Variants in DNAAF11 observed in about 807,000 individuals in gnomAD.
DNAAF11 encodes the protein leucine rich repeat containing 6.
DNAAF11 carries 45 observed loss-of-function variants against 60.8 expected under a neutral mutation model. The observed-to-expected ratio is 0.74, with a 90% confidence interval of 0.58 to 0.95. The LOEUF is 0.95. DNAAF11 is among the 40% of genes least tolerant of loss of function. The probability of loss-of-function intolerance (pLI) is 0.00; values close to 1 mark genes in which losing one functional copy is unlikely to be tolerated. For missense variants in DNAAF11, 546 were observed against 546.2 expected, an observed-to-expected ratio of 1.00 and a Z score of 0.00; for synonymous variants, 191 against 183.5, an observed-to-expected ratio of 1.04 and a Z score of -0.33.
chr8:132,663,740 G>T (rs1283540880), intron 1 of DNAAF11, among the ~76,000 whole-genome samples: 1 of 152,176 alleles, frequency 6.6e-6, no homozygotes, highest in Non-Finnish European at 1.5e-5. Flanking sequence ...GGAACAATGG[G>T]ATTCTCTGTT....
intron 3 of DNAAF11, among the ~76,000 whole-genome samples, chr8:132,646,926 A>T (rs553361655): frequency 6.6e-6 from 1 of 152,296 alleles, no homozygotes; most frequent in South Asian, 2.1e-4. Flanking sequence ...TCAACATTAG[A>T]CAGATCAATG....
intron 7 of DNAAF11, among the ~76,000 whole-genome samples, chr8:132,618,169 CAAACCTGAGAAAAACAAGA>C (rs1819374121): frequency 6.6e-6 from 1 of 151,452 alleles, no homozygotes; most frequent in African/African-American, 2.4e-5. Context: ...TGATCTTTGA[CAAACCTGAGAAAAACAAGA>C]AATGGGGAAA....
chr8:132,658,547 TC>T (rs1563699390), intron 2 of DNAAF11, among the ~76,000 whole-genome samples: 1 of 152,152 alleles, frequency 6.6e-6, no homozygotes, highest in Non-Finnish European at 1.5e-5. Context: ...GGTCTCGATC[TC>T]CTGACCTCGT....
At chr8:132,663,454 A>G (rs956143624) in intron 1 of DNAAF11, among the ~76,000 whole-genome samples, 1 of 152,262 alleles carries the variant, frequency 6.6e-6, no homozygotes, top group African/African-American at 2.4e-5. Flanking sequence ...TAATTTACCT[A>G]TAAGAATTCT....
rs757102705 is a variant in DNAAF11 at position 132,638,066 on chromosome 8, T to C, written c.298A>G (p.Ile100Val). ...TTTTTAATGCTGCTCAGCTCTCCAATGAAATTCACAGTCAGGTCAAGTTTT... is the reference window on the plus strand; with the variant it reads ...TTTTTAATGCTGCTCAGCTCTCCAACGAAATTCACAGTCAGGTCAAGTTTT... ...LAKLDLTVNF[I>V]GELSSIKNLQ... The change falls in exon 4 of 12, where the codon ATT (isoleucine) becomes GTT (valine). Residue 100 changes from isoleucine (I) to valine (V), a missense_variant. Transcript: ENST00000620350. The C allele has an allele frequency of 2.5e-6, 4 of 1,614,028 alleles. No individual in the cohort carries two copies. In the East Asian group the frequency reaches 8.9e-5, roughly 36 times the overall value.
chr8:132,625,781 A>T (rs1339439159), intron 5 of DNAAF11, among the ~76,000 whole-genome samples: 2 of 152,184 alleles, frequency 1.3e-5, no homozygotes, highest in African/African-American at 4.8e-5. Flanking sequence ...TAAAAAGTAC[A>T]GATTCCTGGG....
chr8:132,630,885 T>C (rs1820730867), intron 5 of DNAAF11, among the ~76,000 whole-genome samples: 1 of 152,196 alleles, frequency 6.6e-6, no homozygotes, highest in African/African-American at 2.4e-5. Flanking sequence ...TATCATATTA[T>C]CCAGTATTGG....
intron 10 of DNAAF11, among the ~76,000 whole-genome samples, chr8:132,592,325 C>T (rs941042279): frequency 2.0e-5 from 3 of 152,030 alleles, no homozygotes; most frequent in South Asian, 2.1e-4. Context: ...GGAAATTTCC[C>T]GAGGGAGTGT....
chr8:132,580,992 A>G (rs1375950828), intron 11 of DNAAF11, among the ~76,000 whole-genome samples: 1 of 152,212 alleles, frequency 6.6e-6, no homozygotes, highest in Non-Finnish European at 1.5e-5. Context: ...CCAGAGGCAA[A>G]CCCATACAGA....
Position 132,656,824 on chromosome 8 carries a change from T to G in DNAAF11, c.256+6A>C. The G allele has an allele frequency of 8.3e-7, 1 of 1,207,558 alleles. No individual in the cohort carries two copies. Among genetic ancestry groups the G allele is most frequent in the African/African-American group, 1.5e-5 (1 of 65,534 alleles). The allele number at this position is 1,207,558 out of a possible 1,614,324, so 74.8% of individuals were successfully genotyped here. ...CATAATAGCATAATAGAAGAAACAG[T>G]CTTACCTTCCAAGTTTTCTATTTTT... On this transcript the variant is annotated splice_donor_region_variant and intron_variant, in intron 3 of 11. Transcript: ENST00000620350.
chr8:132,607,786 T>C (rs926309738), intron 10 of DNAAF11, among the ~76,000 whole-genome samples: 1 of 152,172 alleles, frequency 6.6e-6, no homozygotes, highest in Non-Finnish European at 1.5e-5. Flanking sequence ...TCACTCTCTT[T>C]AGGGCTAAAT....
At chr8:132,601,517 C>T in intron 10 of DNAAF11, among the ~76,000 whole-genome samples, 1 of 152,134 alleles carries the variant, frequency 6.6e-6, no homozygotes, top group East Asian at 1.9e-4. Context: ...AGACTTGGAA[C>T]CAACCCAAAT....
intron 11 of DNAAF11, among the ~76,000 whole-genome samples, chr8:132,578,109 A>G (rs1203750388): frequency 6.6e-6 from 1 of 152,144 alleles, no homozygotes; most frequent in African/African-American, 2.4e-5. Context: ...TTTTAAGTAT[A>G]TATCTAAGTT....
chr8:132,600,076 C>G (rs1417410750), intron 10 of DNAAF11, among the ~76,000 whole-genome samples: 1 of 152,208 alleles, frequency 6.6e-6, no homozygotes, highest in Non-Finnish European at 1.5e-5. Flanking sequence ...TCAGCAAAGT[C>G]TCAGGATACA....
chr8:132,583,850 T>C (rs893385324), intron 10 of DNAAF11, 71 bp from the exon 11 acceptor site: 7 of 1,012,530 alleles, frequency 6.9e-6, no homozygotes, highest in South Asian at 4.0e-5. Flanking sequence ...TATACATATA[T>C]GTATTTTAAA....
chr8:132,624,551 G>A (rs1820064365), intron 6 of DNAAF11, among the ~76,000 whole-genome samples: 1 of 152,094 alleles, frequency 6.6e-6, no homozygotes, highest in Non-Finnish European at 1.5e-5. Context: ...CTTGCTTTTA[G>A]TTGTTAATCA....
chr8:132,675,563 C>T (rs1825720533), upstream of DNAAF11: 2 of 1,464,162 alleles, frequency 1.4e-6, no homozygotes, highest in Non-Finnish European at 9.2e-7. Context: ...ACCCTTCACC[C>T]CTGCTCCTCA....
At chr8:132,676,826 G>A (rs76503039), upstream of DNAAF11, among the ~76,000 whole-genome samples, 1 of 152,280 alleles carries the variant, frequency 6.6e-6, no homozygotes, top group East Asian at 1.9e-4. Context: ...CAAAGGAACT[G>A]AACTGGAAGA....
chr8:132,579,076 G>A (rs1280907636), intron 11 of DNAAF11, among the ~76,000 whole-genome samples: 2 of 152,226 alleles, frequency 1.3e-5, no homozygotes, highest in African/African-American at 4.8e-5. Flanking sequence ...AAAGTTTACA[G>A]CAGCTGTTGG....
Sources: allele counts gnomAD v4.1 joint callset (sites outside exome capture counted in the v4.1 genomes callset), GRCh38; gene constraint gnomAD v4.1.1; transcripts MANE v1.5; gene names NCBI Gene and HGNC (gene_info 2026-07-23, HGNC 2026-07-21).